EPHB2: variants seen among roughly 807,000 people sequenced by gnomAD.
EPHB2 encodes the protein EPH receptor B2.
In EPHB2, 18 loss-of-function variants were observed where a neutral mutation model predicts 96.4. That is an observed-to-expected ratio of 0.19 (90% CI 0.13 to 0.28). The LOEUF is 0.28. EPHB2 is among the 10% of genes least tolerant of loss of function. The pLI, the probability that EPHB2 is intolerant of heterozygous loss-of-function variation, is 1.00. For missense variants in EPHB2, 989 were observed against 1,355.4 expected (o/e 0.73, Z 4.25); for synonymous variants, 506 against 534.1 (o/e 0.95, Z 0.72).
intron 1 of EPHB2, among the ~76,000 whole-genome samples, chr1:22,757,343 G>A (rs564581494): frequency 6.6e-6 from 1 of 152,272 alleles, no homozygotes; most frequent in South Asian, 2.1e-4. Context: ...GGTAGAGACA[G>A]TCAGGGAGGG....
intron 6 of EPHB2, among the ~76,000 whole-genome samples, chr1:22,888,309 G>A (rs1354187456): frequency 1.3e-5 from 2 of 152,146 alleles, no homozygotes; most frequent in Non-Finnish European, 2.9e-5. Context: ...ACAAAGTGCT[G>A]GGATTACAGG....
At chr1:22,894,622 T>C (rs1639497766) in intron 7 of EPHB2, among the ~76,000 whole-genome samples, 1 of 148,504 alleles carries the variant, frequency 6.7e-6, no homozygotes, top group Admixed American at 6.7e-5. Context: ...GAAGTAAAAA[T>C]AATAAAATGT....
intron 3 of EPHB2, among the ~76,000 whole-genome samples, chr1:22,825,013 C>G (rs1645203919): frequency 6.6e-6 from 1 of 152,232 alleles, no homozygotes; most frequent in African/African-American, 2.4e-5. Flanking sequence ...AGGAAGTATT[C>G]TCAAGTCATC....
Position 22,906,777 on chromosome 1 carries a change from C to G in EPHB2, c.1956C>G (p.Ile652Met), listed in dbSNP as rs55927202. Residue 652 changes from isoleucine to methionine, a missense_variant, in exon 11 of 16, where the codon ATC becomes ATG. Coordinates refer to ENST00000374630, the MANE Select transcript of EPHB2 (RefSeq NM_017449.5). The surrounding 1 kb of genome is among the most constrained non-coding windows in gnomAD (Gnocchi z 4.8). ...LPGKREIFVA[I>M]KTLKSGYTEK... is the part of the protein sequence containing the mutation. Reference sequence around the variant, plus strand: ...GCAAGAGAGAGATCTTTGTGGCCATCAAGACGCTCAAGTCGGGCTACACGG... The same window carrying G: ...GCAAGAGAGAGATCTTTGTGGCCATGAAGACGCTCAAGTCGGGCTACACGG... 6 of 1,614,074 alleles carry G rather than the reference C, an allele frequency of 3.7e-6. No individual in the cohort carries two copies. The highest frequency in any genetic ancestry group is 1.1e-5 in the South Asian group (1 of 91,082).
At chr1:22,891,779 G>C (rs1475105044) in intron 6 of EPHB2, among the ~76,000 whole-genome samples, 1 of 130,462 alleles carries the variant, frequency 7.7e-6, no homozygotes, top group African/African-American at 2.8e-5. Context: ...GCAAGAGTCT[G>C]GTTTCTTTTT....
intron 1 of EPHB2, among the ~76,000 whole-genome samples, chr1:22,773,970 G>A (rs914978923): frequency 6.6e-6 from 1 of 152,212 alleles, no homozygotes; most frequent in African/African-American, 2.4e-5. Flanking sequence ...TTCACAAATA[G>A]TTAACGATGA....
At chr1:22,905,855 C>G in intron 9 of EPHB2, 132 bp from the exon 10 acceptor site, 1 of 1,411,896 alleles carries the variant, frequency 7.1e-7, no homozygotes. Context: ...AAGTGACCTG[C>G]AGGGAGTTGC....
At position 22,912,561 on chromosome 1, in the gene EPHB2, C is replaced by G. The variant is rs1406573963; in HGVS notation, c.2814C>G (p.Gly938=). The G allele has an allele frequency of 1.2e-6, 2 of 1,614,088 alleles. No individual in the cohort carries two copies. Among genetic ancestry groups the G allele is most frequent in the Admixed American group, 3.3e-5 (2 of 60,032 alleles). ...GQYKESFANA[G]FTSFDVVSQM... ...ACAAGGAGAGCTTCGCCAATGCCGGCTTCACCTCCTTTGACGTCGTGTCTC... is the reference window on the plus strand; with the variant it reads ...ACAAGGAGAGCTTCGCCAATGCCGGGTTCACCTCCTTTGACGTCGTGTCTC... The change falls in exon 15 of 16, where the codon GGC becomes GGG. Residue 938 remains glycine (G), a synonymous_variant. Transcript: ENST00000374630.
At chr1:22,728,529 T>C (rs1225332298) in intron 1 of EPHB2, among the ~76,000 whole-genome samples, 3 of 152,238 alleles carry the variant, frequency 2.0e-5, no homozygotes, top group Non-Finnish European at 2.9e-5. Context: ...TGAGTGCTTC[T>C]GGGAACTATT....
At chr1:22,819,830 T>TA (rs1645128133) in intron 3 of EPHB2, among the ~76,000 whole-genome samples, 1 of 137,408 alleles carries the variant, frequency 7.3e-6, no homozygotes, top group Non-Finnish European at 1.6e-5. Flanking sequence ...TTTTTTTTTT[T>TA]AATGGAGCTT....
At chr1:22,815,735 AG>A (rs1186470121) in intron 3 of EPHB2, among the ~76,000 whole-genome samples, 1 of 152,226 alleles carries the variant, frequency 6.6e-6, no homozygotes, top group East Asian at 1.9e-4. Flanking sequence ...TATATTTGCA[AG>A]GGCTGTTGTT....
chr1:22,812,789 G>T lies in EPHB2; in HGVS notation c.811+27713G>T, dbSNP rs761567372. On this transcript the variant is annotated intron_variant, in intron 3 of 15. Transcript: ENST00000374630. ...CAGCTGGCATTGCTGTTCATCGTGGGTGGGAGTCGAGCATTGCCGTCTTCA... is the reference window on the plus strand; with the variant it reads ...CAGCTGGCATTGCTGTTCATCGTGGTTGGGAGTCGAGCATTGCCGTCTTCA... Among the ~76,000 whole-genome samples, 32 of 152,202 alleles carry T rather than the reference G, an allele frequency of 2.1e-4. 1 individual carries two copies. The highest frequency in any genetic ancestry group is 3.9e-4 in the Admixed American group (6 of 15,286).
chr1:22,907,497 A>G (rs1434467184), intron 11 of EPHB2, among the ~76,000 whole-genome samples: 1 of 152,232 alleles, frequency 6.6e-6, no homozygotes, highest in Non-Finnish European at 1.5e-5. Flanking sequence ...CCAACCAGAC[A>G]AAGCACCAGA....
chr1:22,743,436 A>G (rs1212540350), intron 1 of EPHB2, among the ~76,000 whole-genome samples: 3 of 151,894 alleles, frequency 2.0e-5, no homozygotes, highest in South Asian at 2.1e-4. Context: ...ACTTCATAAT[A>G]CATTTGGGAG....
At position 22,766,096 on chromosome 1, in the gene EPHB2, C is replaced by G. The variant is rs528912474; in HGVS notation, c.62-15325C>G. On this transcript the variant is annotated intron_variant, in intron 1 of 15. Coordinates refer to ENST00000374630, the MANE Select transcript of EPHB2 (RefSeq NM_017449.5). Reference sequence around the variant, plus strand: ...AGATAATTGCAAGTTTAAATAAGGCCAAGTGAACACTCCCTCCCAGGCCCA... The same window carrying G: ...AGATAATTGCAAGTTTAAATAAGGCGAAGTGAACACTCCCTCCCAGGCCCA... Among the ~76,000 whole-genome samples the G allele has an allele frequency of 3.3e-5, 5 of 152,300 alleles. No individual in the cohort carries two copies. The East Asian group carries it at 9.6e-4, about 29-fold the overall frequency.
At chr1:22,857,771 T>C (rs10753546) in intron 3 of EPHB2, among the ~76,000 whole-genome samples, 148,405 of 152,132 alleles carry the variant, frequency 0.98, 72,481 homozygotes, top group East Asian at 1. Context: ...CCCACCTTCT[T>C]ATCTGATTGT....
chr1:22,861,019 A>G (rs1296937905), intron 3 of EPHB2, among the ~76,000 whole-genome samples: 1 of 152,208 alleles, frequency 6.6e-6, no homozygotes, highest in Non-Finnish European at 1.5e-5. Context: ...CAATGAGAAC[A>G]ATGTAGCTCA....
At chr1:22,873,499 C>G (rs1371248750) in intron 5 of EPHB2, among the ~76,000 whole-genome samples, 1 of 152,102 alleles carries the variant, frequency 6.6e-6, no homozygotes, top group Non-Finnish European at 1.5e-5. Flanking sequence ...AGACACGTGG[C>G]CAAGCGAGAG....
chr1:22,795,038 C>G (rs1570289173), intron 3 of EPHB2, among the ~76,000 whole-genome samples: 1 of 152,228 alleles, frequency 6.6e-6, no homozygotes, highest in African/African-American at 2.4e-5. Flanking sequence ...TCTGCGGCAG[C>G]TGGCACAGGC....
Sources: gnomAD v4.1 joint callset for allele counts (sites outside exome capture counted in the v4.1 genomes callset) on GRCh38, gnomAD v4.1.1 for gene constraint, Gnocchi (gnomAD v3.1) non-coding constraint, MANE v1.5 for transcripts, NCBI Gene and HGNC (gene_info 2026-07-23, HGNC 2026-07-21) for gene names.